Variants in PDE4D observed in about 807,000 individuals in gnomAD.
PDE4D encodes phosphodiesterase 4D.
Under a neutral mutation model 87.4 loss-of-function variants are expected in PDE4D, and 24 were observed. That is an observed-to-expected ratio of 0.27 (90% CI 0.20 to 0.39). The LOEUF (loss-of-function observed/expected upper bound fraction) is 0.39. Ranked by LOEUF, PDE4D falls within the 10% of genes least tolerant of loss-of-function variation. PDE4D has a pLI of 1.00. For missense variants in PDE4D, 714 were observed against 1,041.0 expected (o/e 0.69, Z 4.32); for synonymous variants, 384 against 383.2 (o/e 1.00, Z -0.02).
chr5:59,193,736 C>A, intron 2 of PDE4D, 200 bp from the exon 3 acceptor site: 1 of 985,390 alleles, frequency 1.0e-6, no homozygotes, highest in Non-Finnish European at 1.2e-6. Context: ...GTCCAACTCC[C>A]TGGGTAAAAA....
chr5:60,075,884 T>C lies in PDE4D; in HGVS notation c.43-87167A>G, dbSNP rs575690842. Reference sequence around the variant, plus strand: ...AGGTTGGTTACACTCTTTTCTATACTGAGTGTTTTGTTTGTCAGCTTCTGT... The same window carrying C: ...AGGTTGGTTACACTCTTTTCTATACCGAGTGTTTTGTTTGTCAGCTTCTGT... On this transcript the variant is annotated intron_variant, in intron 2 of 16. Coordinates refer to the PDE4D transcript ENST00000502484. 1.2e-3 allele frequency among the ~76,000 whole-genome samples: 176 copies of C among 152,290 alleles called. 4 individuals carry two copies. In the South Asian group the frequency reaches 0.035, roughly 30 times the overall value.
chr5:60,259,827 C>A (rs982127328), intron 1 of PDE4D, among the ~76,000 whole-genome samples: 1 of 152,016 alleles, frequency 6.6e-6, no homozygotes, highest in African/African-American at 2.4e-5. Flanking sequence ...ATAAACTCAT[C>A]CACAGTCAAG....
intron 1 of PDE4D, among the ~76,000 whole-genome samples, chr5:59,546,156 C>T (rs1817230419): frequency 6.6e-6 from 1 of 152,190 alleles, no homozygotes; most frequent in Non-Finnish European, 1.5e-5. Context: ...AAGCACTATT[C>T]CTAGAGCTCA....
At chr5:59,248,042 TAA>T (rs70975306) in intron 1 of PDE4D, among the ~76,000 whole-genome samples, 15 of 37,522 alleles carry the variant, frequency 4.0e-4, no homozygotes, top group African/African-American at 1.1e-3. Context: ...TATCTATTAG[TAA>T]AAAAAAAAAA....
At chr5:60,279,754 G>A (rs1003590605) in intron 1 of PDE4D, among the ~76,000 whole-genome samples, 1 of 150,940 alleles carries the variant, frequency 6.6e-6, no homozygotes, top group Non-Finnish European at 1.5e-5. Flanking sequence ...GCATGATCTG[G>A]GCTCACTGCA....
intron 3 of PDE4D, among the ~76,000 whole-genome samples, chr5:59,899,497 T>TAC (rs1561836567): frequency 1.3e-5 from 2 of 151,760 alleles, no homozygotes; most frequent in Non-Finnish European, 2.9e-5. Flanking sequence ...TATATATATA[T>TAC]GCTTAAGTGG....
intron 1 of PDE4D, among the ~76,000 whole-genome samples, chr5:59,812,997 C>T (rs1398462070): frequency 3.3e-5 from 5 of 152,204 alleles, no homozygotes; most frequent in Non-Finnish European, 7.3e-5. Context: ...AATTCTGATA[C>T]CAATAGGGTT....
intron 5 of PDE4D, among the ~76,000 whole-genome samples, chr5:59,079,816 C>CAAGGA (rs1229191925): frequency 3.3e-5 from 4 of 122,530 alleles, no homozygotes; most frequent in Middle Eastern, 4.7e-3. Flanking sequence ...TACCCAGTGT[C>CAAGGA]AAGGAAAGGA....
chr5:59,087,189 C>T (rs1393850296), intron 5 of PDE4D, among the ~76,000 whole-genome samples: 2 of 151,996 alleles, frequency 1.3e-5, no homozygotes, highest in African/African-American at 2.4e-5. Context: ...TTAAAAAATA[C>T]GTTAAAAAAA....
At chr5:59,567,202 C>T (rs956533389) in intron 1 of PDE4D, among the ~76,000 whole-genome samples, 2 of 152,162 alleles carry the variant, frequency 1.3e-5, no homozygotes, top group Non-Finnish European at 2.9e-5. Flanking sequence ...AAAAAAGTTG[C>T]TTTAATATCT....
intron 1 of PDE4D, among the ~76,000 whole-genome samples, chr5:59,351,548 A>G (rs997414698): frequency 1.2e-4 from 19 of 152,150 alleles, no homozygotes; most frequent in Admixed American, 1.2e-3. Flanking sequence ...GCCAAGGAGT[A>G]ATATTTGGCA....
At chr5:59,686,019 G>A (rs1259185142) in intron 1 of PDE4D, among the ~76,000 whole-genome samples, 1 of 152,090 alleles carries the variant, frequency 6.6e-6, no homozygotes, top group Non-Finnish European at 1.5e-5. Flanking sequence ...ATTCTAGAAG[G>A]CAGTTAGAGC....
chr5:59,031,349 A>G (rs1054905738), intron 6 of PDE4D, among the ~76,000 whole-genome samples: 1 of 126,780 alleles, frequency 7.9e-6, no homozygotes, highest in African/African-American at 3.0e-5. Flanking sequence ...TCAAGTGTGC[A>G]TAAAGAAAAT....
intron 1 of PDE4D, among the ~76,000 whole-genome samples, chr5:59,479,160 T>A (rs1185526833): frequency 6.6e-6 from 1 of 152,066 alleles, no homozygotes; most frequent in Non-Finnish European, 1.5e-5. Flanking sequence ...TACAATTACC[T>A]GGGGAGTTTC....
chr5:59,998,586 T>C (rs1293759911), intron 2 of PDE4D, among the ~76,000 whole-genome samples: 1 of 152,124 alleles, frequency 6.6e-6, no homozygotes, highest in Non-Finnish European at 1.5e-5. Flanking sequence ...AAGACTGATG[T>C]TCCTTTGAAT....
chr5:59,150,240 A>G (rs747192724), intron 5 of PDE4D, among the ~76,000 whole-genome samples: 11 of 152,168 alleles, frequency 7.2e-5, no homozygotes, highest in Non-Finnish European at 1.5e-4. Flanking sequence ...CTGCAGTAGT[A>G]TCACTGCAAA....
At chr5:58,981,925 C>A (rs1265879609) in intron 11 of PDE4D, among the ~76,000 whole-genome samples, 1 of 152,108 alleles carries the variant, frequency 6.6e-6, no homozygotes, top group Non-Finnish European at 1.5e-5. Flanking sequence ...CCCAATTTCC[C>A]CTTGGTAGTC....
chr5:60,483,763 G>A (rs1227925856), intron 1 of PDE4D, among the ~76,000 whole-genome samples: 2 of 152,070 alleles, frequency 1.3e-5, no homozygotes, highest in Non-Finnish European at 1.5e-5. Flanking sequence ...TGAATTTCTG[G>A]GTGAGCTGTG....
At chr5:59,502,663 AGTGTGT>A (rs56100725) in intron 1 of PDE4D, among the ~76,000 whole-genome samples, 51,368 of 135,002 alleles carry the variant, frequency 0.38, 9,958 homozygotes, top group Middle Eastern at 0.52. Flanking sequence ...TCCTTAAGGT[AGTGTGT>A]GTGTGTGTGT....
Sources: allele counts gnomAD v4.1 joint callset (sites outside exome capture counted in the v4.1 genomes callset), GRCh38; gene constraint gnomAD v4.1.1; transcripts MANE v1.5; gene names NCBI Gene and HGNC (gene_info 2026-07-23, HGNC 2026-07-21).